Variants in ANKRD12 observed in about 807,000 individuals in gnomAD.
ANKRD12 encodes ankyrin repeat domain-containing protein 12.
Under a neutral mutation model 183.4 loss-of-function variants are expected in ANKRD12, and 85 were observed. The ratio of observed to expected loss-of-function variants is 0.46; its 90% confidence interval spans 0.39 to 0.56. The LOEUF (loss-of-function observed/expected upper bound fraction) is 0.56. Ranked by LOEUF, ANKRD12 falls within the 20% of genes least tolerant of loss-of-function variation. The probability of loss-of-function intolerance (pLI) is 0.00; values close to 1 mark genes in which losing one functional copy is unlikely to be tolerated. For missense variants in ANKRD12, 2,405 were observed against 2,357.1 expected, an observed-to-expected ratio of 1.02 and a Z score of -0.42; for synonymous variants, 914 against 800.2, an observed-to-expected ratio of 1.14 and a Z score of -2.40.
chr18:9,168,351 G>C (rs559265760), intron 1 of ANKRD12, among the ~76,000 whole-genome samples: 1 of 152,118 alleles, frequency 6.6e-6, no homozygotes, highest in South Asian at 2.1e-4. Context: ...TCTGGTCCTG[G>C]ACTTTTTTTC....
chr18:9,163,956 G>A (rs1244419171), intron 1 of ANKRD12, among the ~76,000 whole-genome samples: 5 of 151,998 alleles, frequency 3.3e-5, no homozygotes, highest in Admixed American at 3.3e-4. Context: ...TCTAGATATA[G>A]GATCATGTCT....
At chr18:9,236,972 G>T (rs2037385372) in intron 8 of ANKRD12, among the ~76,000 whole-genome samples, 1 of 152,130 alleles carries the variant, frequency 6.6e-6, no homozygotes, top group African/African-American at 2.4e-5. Context: ...CCTGTACCTG[G>T]CTGAGATACT....
chr18:9,226,686 A>G (rs1371409013), intron 8 of ANKRD12, among the ~76,000 whole-genome samples: 1 of 146,658 alleles, frequency 6.8e-6, no homozygotes, highest in African/African-American at 2.5e-5. Flanking sequence ...CAGCACCTAG[A>G]CTGTGTGAAC....
At chr18:9,190,499 A>T (rs576291240) in intron 2 of ANKRD12, among the ~76,000 whole-genome samples, 96 of 152,258 alleles carry the variant, frequency 6.3e-4, no homozygotes, top group Non-Finnish European at 1.2e-3. Context: ...GAGTTAAATA[A>T]GATTGACTCC....
chr18:9,186,868 C>A (rs2144261763), intron 2 of ANKRD12, among the ~76,000 whole-genome samples: 1 of 151,590 alleles, frequency 6.6e-6, no homozygotes, highest in Non-Finnish European at 1.5e-5. Flanking sequence ...TCTCCTGCCT[C>A]AGCCTCCCGA....
chr18:9,243,813 T>C (rs1410249695), intron 8 of ANKRD12, among the ~76,000 whole-genome samples: 1 of 152,170 alleles, frequency 6.6e-6, no homozygotes, highest in Admixed American at 6.5e-5. Flanking sequence ...AAAATGCAAA[T>C]GTTAGGAAAA....
In ANKRD12 at chr18:9,208,766, A is replaced by T; in HGVS notation, c.414A>T (p.Ala138=). 6.2e-7 allele frequency: 1 copy of T among 1,608,914 alleles called. No homozygotes were observed. The highest frequency in any genetic ancestry group is 8.5e-7 in the Non-Finnish European group (1 of 1,177,382). ...GYPLSERKQM[A]LLMQMTARDN... The stretch of plus-strand genomic sequence containing the variant: ...CACTCTCTGAGCGAAAACAGATGGC[A>T]CTTCTTATGCAGATGACAGCAAGAG... The change falls in exon 5 of 13, where the codon GCA becomes GCT. Residue 138 remains alanine, a synonymous_variant. Coordinates refer to ENST00000262126, the MANE Select transcript of ANKRD12 (RefSeq NM_015208.5).
intron 4 of ANKRD12, 93 bp from the exon 5 acceptor site, chr18:9,208,564 A>G (rs2144599652): frequency 9.3e-7 from 1 of 1,076,674 alleles, no homozygotes; most frequent in Non-Finnish European, 1.3e-6. Context: ...TTTCTCATAT[A>G]TATGTACAGC....
intron 1 of ANKRD12, among the ~76,000 whole-genome samples, chr18:9,166,759 T>G (rs1247361475): frequency 6.6e-6 from 1 of 152,246 alleles, no homozygotes; most frequent in East Asian, 1.9e-4. Flanking sequence ...TTGTTGCCAT[T>G]GCTTTTGGTG....
intron 1 of ANKRD12, among the ~76,000 whole-genome samples, chr18:9,153,374 G>T (rs944198420): frequency 5.3e-5 from 8 of 152,184 alleles, no homozygotes; most frequent in African/African-American, 1.7e-4. Flanking sequence ...TTACTTTGGG[G>T]GAAGTTCTGT....
At chr18:9,208,086 C>T (rs534164020) in intron 4 of ANKRD12, among the ~76,000 whole-genome samples, 20 of 152,254 alleles carry the variant, frequency 1.3e-4, no homozygotes, top group Non-Finnish European at 2.6e-4. Context: ...CTTTAATTTG[C>T]GCATTCTTGG....
Position 9,170,030 on chromosome 18 carries a change from G to A in ANKRD12, c.-51-12352G>A, listed in dbSNP as rs540035998. 5.4e-3 allele frequency among the ~76,000 whole-genome samples: 827 copies of A among 152,318 alleles called. 5 individuals are homozygous for A. Among genetic ancestry groups the A allele is most frequent in the African/African-American group, 0.019 (796 of 41,558 alleles). On this transcript the variant is annotated intron_variant, in intron 1 of 12. Transcript: ENST00000262126. ...GAAAATTATTTTCTTTAAGAATGTT[G>A]AATATTGGTCCCCACTCTCTTCCGG... is the stretch of plus-strand genomic sequence containing the variant.
intron 10 of ANKRD12, among the ~76,000 whole-genome samples, chr18:9,264,635 A>C (rs1241671584): frequency 2.0e-5 from 3 of 152,276 alleles, no homozygotes; most frequent in Non-Finnish European, 2.9e-5. Flanking sequence ...ATAGAATTAC[A>C]AAGAGAAGCA....
chr18:9,196,381 T>G (rs1324838268), intron 3 of ANKRD12, among the ~76,000 whole-genome samples: 1 of 152,208 alleles, frequency 6.6e-6, no homozygotes. Context: ...GTTTTAGCCC[T>G]GAACTAACCG....
At chr18:9,161,874 G>GT (rs749584503) in intron 1 of ANKRD12, among the ~76,000 whole-genome samples, 2 of 150,544 alleles carry the variant, frequency 1.3e-5, no homozygotes, top group Non-Finnish European at 3.0e-5. Context: ...TATTTATAAC[G>GT]TTTTTTAGAG....
Position 9,275,544 on chromosome 18 carries a change from C to T in ANKRD12, c.5784C>T (p.Asn1928=), listed in dbSNP as rs59633812. ...ACTAGGAAAAACTCATTGTATCCAA[C>T]GAACAAGAAGTTTTGCGAGTTCATT... ...SIEREKLIVS[N]EQEVLRVHYR... Residue 1928 remains asparagine, a synonymous_variant, in exon 11 of 13, where the codon AAC becomes AAT. Transcript: ENST00000262126. 0.074 allele frequency: 118,397 copies of T among 1,595,246 alleles called. 5,013 individuals are homozygous for T. Among genetic ancestry groups the T allele is most frequent in the Non-Finnish European group, 0.081 (94,256 of 1,166,594 alleles).
At chr18:9,150,397 C>G (rs2078647228) in intron 1 of ANKRD12, among the ~76,000 whole-genome samples, 1 of 152,112 alleles carries the variant, frequency 6.6e-6, no homozygotes, top group Non-Finnish European at 1.5e-5. Context: ...AGAAATGGAT[C>G]TATGTTATTA....
intron 8 of ANKRD12, among the ~76,000 whole-genome samples, chr18:9,234,859 G>T (rs2037254707): frequency 6.6e-6 from 1 of 152,148 alleles, no homozygotes; most frequent in Non-Finnish European, 1.5e-5. Context: ...AGTTCAGATT[G>T]CAGCAGTTTG....
At chr18:9,212,796 A>G (rs1016636825) in intron 6 of ANKRD12, among the ~76,000 whole-genome samples, 1 of 151,900 alleles carries the variant, frequency 6.6e-6, no homozygotes, top group African/African-American at 2.4e-5. Context: ...ATTATTAACA[A>G]TCTGAAGAAT....
Sources: gnomAD v4.1 joint callset for allele counts (sites outside exome capture counted in the v4.1 genomes callset) on GRCh38, gnomAD v4.1.1 for gene constraint, MANE v1.5 for transcripts, NCBI Gene and HGNC (gene_info 2026-07-23, HGNC 2026-07-21) for gene names.